Variants in TRPM1 observed in about 807,000 individuals in gnomAD.
TRPM1 encodes TRPM1-203 APA Isoform, Intron 10.
Under a neutral mutation model 149.4 loss-of-function variants are expected in TRPM1, and 113 were observed. The ratio of observed to expected loss-of-function variants is 0.76; its 90% confidence interval spans 0.65 to 0.88. TRPM1 has a LOEUF of 0.88. TRPM1 is among the 40% of genes least tolerant of loss of function. TRPM1 has a pLI of 0.00. For missense variants in TRPM1, 1,976 were observed against 2,038.7 expected (o/e 0.97, Z 0.59); for synonymous variants, 741 against 759.5 (o/e 0.98, Z 0.40).
chr15:31,029,875 A>G (rs568769991), intron 23 of TRPM1, among the ~76,000 whole-genome samples: 123 of 152,286 alleles, frequency 8.1e-4, no homozygotes, highest in Non-Finnish European at 1.5e-3. Context: ...ACCTTCTCTC[A>G]TAACCCAATT....
intron 11 of TRPM1, chr15:31,060,144 C>CACACACACACATAA: frequency 3.2e-6 from 1 of 315,178 alleles, no homozygotes; most frequent in South Asian, 2.5e-5. Context: ...GACACACACA[C>CACACACACACATAA]ATAAACACAC....
chr15:31,145,070 C>G (rs1164155658), intron 1 of TRPM1, among the ~76,000 whole-genome samples: 1 of 152,122 alleles, frequency 6.6e-6, no homozygotes. Flanking sequence ...TAGATTCTAA[C>G]TTCTTCTAAT....
intron 1 of TRPM1, among the ~76,000 whole-genome samples, chr15:31,141,483 T>C (rs936109106): frequency 2.0e-5 from 3 of 152,238 alleles, no homozygotes; most frequent in African/African-American, 4.8e-5. Context: ...TCTCAAAATA[T>C]GGACTAAGGA....
At position 31,061,473 on chromosome 15, in the gene TRPM1, G is replaced by T. The variant is rs749957409; in HGVS notation, c.1131C>A (p.Ile377=). Residue 377 remains isoleucine (I), a synonymous_variant, in exon 10 of 28, where the codon ATC becomes ATA. Transcript: ENST00000256552. ...FRMGSEGQQD[I]EMAILTALLK... ...GCAGGGCAGTTAAAATTGCCATCTCGATGTCCTGCTGGCCCTCAGAACCCA... is the reference window on the plus strand; with the variant it reads ...GCAGGGCAGTTAAAATTGCCATCTCTATGTCCTGCTGGCCCTCAGAACCCA... 6.2e-7 allele frequency: 1 copy of T among 1,614,010 alleles called. No individual in the cohort carries two copies. The highest frequency in any genetic ancestry group is 8.5e-7 in the Non-Finnish European group (1 of 1,179,998).
rs773716166 is a variant in TRPM1 at position 31,063,074 on chromosome 15, A to T, written c.965+44T>A. 1.4e-5 allele frequency: 23 copies of T among 1,612,584 alleles called. No homozygotes were observed. The African/African-American group carries it at 2.3e-4, about 16-fold the overall frequency. Reference sequence around the variant, plus strand: ...AGATTTTCTCCTTGGCCCGACAAAGAGGGAGTTACGAACCCGCCCTTCCTC... The same window carrying T: ...AGATTTTCTCCTTGGCCCGACAAAGTGGGAGTTACGAACCCGCCCTTCCTC... On this transcript the variant is annotated intron_variant, in intron 8 of 27. Transcript: ENST00000256552.
intron 1 of TRPM1, among the ~76,000 whole-genome samples, chr15:31,088,791 G>C (rs974667432): frequency 8.3e-6 from 1 of 119,950 alleles, no homozygotes; most frequent in Non-Finnish European, 1.7e-5. Context: ...ACACCTGAAC[G>C]TTCTTTCTGC....
chr15:31,111,444 A>G (rs1450467533), intron 1 of TRPM1, among the ~76,000 whole-genome samples: 1 of 152,214 alleles, frequency 6.6e-6, no homozygotes, highest in African/African-American at 2.4e-5. Context: ...GGGTCCAATT[A>G]TATGGAAGTT....
intron 6 of TRPM1, among the ~76,000 whole-genome samples, chr15:31,066,768 G>C (rs1416516299): frequency 2.0e-5 from 3 of 152,212 alleles, no homozygotes; most frequent in Admixed American, 6.5e-5. Context: ...CAGATTAGTT[G>C]TTTCCAGGGG....
At chr15:31,072,018 T>TATATAGAGAGAGAG (rs1400392427) in intron 3 of TRPM1, among the ~76,000 whole-genome samples, 5 of 36,900 alleles carry the variant, frequency 1.4e-4, no homozygotes, top group African/African-American at 3.3e-4. Context: ...TATATATATA[T>TATATAGAGAGAGAG]AGAGAGAGAG....
At chr15:31,092,212 G>A (rs1165175634) in intron 1 of TRPM1, among the ~76,000 whole-genome samples, 1 of 152,206 alleles carries the variant, frequency 6.6e-6, no homozygotes, top group Non-Finnish European at 1.5e-5. Context: ...GGGAACAGCA[G>A]GGGCAAGGCA....
chr15:31,118,486 A>C (rs1483626071), intron 1 of TRPM1, among the ~76,000 whole-genome samples: 1 of 151,976 alleles, frequency 6.6e-6, no homozygotes, highest in African/African-American at 2.4e-5. Context: ...ACTATAGAAA[A>C]CCAAAGACAA....
intron 1 of TRPM1, among the ~76,000 whole-genome samples, chr15:31,086,379 A>G (rs2035000732): frequency 6.6e-6 from 1 of 152,274 alleles, no homozygotes; most frequent in African/African-American, 2.4e-5. Context: ...TTACAGAGTC[A>G]CATGGAGATA....
At chr15:31,102,762 T>C (rs3809577), upstream of TRPM1, among the ~76,000 whole-genome samples, 35 of 152,312 alleles carry the variant, frequency 2.3e-4, no homozygotes, top group East Asian at 6.4e-3. Context: ...TTCATTCGTT[T>C]CTCTCAGGGT....
At chr15:31,025,432 T>C (rs958879137) in intron 27 of TRPM1, among the ~76,000 whole-genome samples, 7 of 152,324 alleles carry the variant, frequency 4.6e-5, no homozygotes, top group Non-Finnish European at 8.8e-5. Context: ...GTTTGGAAAA[T>C]GTCACCATTT....
At chr15:31,036,287 C>T (rs550261220) in intron 20 of TRPM1, among the ~76,000 whole-genome samples, 1 of 152,044 alleles carries the variant, frequency 6.6e-6, no homozygotes, top group Non-Finnish European at 1.5e-5. Flanking sequence ...TGGGGGAGGA[C>T]GTCTGAAGTA....
intron 1 of TRPM1, among the ~76,000 whole-genome samples, chr15:31,112,449 G>A (rs1370162831): frequency 6.6e-6 from 1 of 152,222 alleles, no homozygotes. Context: ...CTGCACTCCA[G>A]TCTGGGTTCT....
In TRPM1 at chr15:31,063,107, A is replaced by C. The variant is rs1394145551; in HGVS notation, c.965+11T>G. ...ACGAACCCGCCCTTCCTCGCGCGTC[A>C]GAAATCCTACCCGCCTTCTTCACAG... On this transcript the variant is annotated intron_variant, in intron 8 of 27. Coordinates refer to ENST00000256552, the MANE Select transcript of TRPM1 (RefSeq NM_001252024.2). 1 of 1,614,218 alleles carries C rather than the reference A, an allele frequency of 6.2e-7. No homozygotes were observed.
At chr15:31,143,152 A>G (rs1013039396) in intron 1 of TRPM1, among the ~76,000 whole-genome samples, 14 of 152,194 alleles carry the variant, frequency 9.2e-5, no homozygotes, top group Non-Finnish European at 1.9e-4. Context: ...GGTTTATAGA[A>G]AGAATGGAAA....
At chr15:31,062,187 C>T (rs377607582) in intron 9 of TRPM1, among the ~76,000 whole-genome samples, 61 of 152,230 alleles carry the variant, frequency 4.0e-4, no homozygotes, top group African/African-American at 1.4e-3. Flanking sequence ...CTTATGTGCA[C>T]GACAAGAGTA....
Sources: gnomAD v4.1 joint callset for allele counts (sites outside exome capture counted in the v4.1 genomes callset) on GRCh38, gnomAD v4.1.1 for gene constraint, MANE v1.5 for transcripts, NCBI Gene and HGNC (gene_info 2026-07-23, HGNC 2026-07-21) for gene names.